The following SMC6 variants were observed in gnomAD, a reference collection of about 807,000 sequenced individuals.
The protein encoded by SMC6 is structural maintenance of chromosomes 6, also known as structural maintenance of chromosomes protein 6.
In SMC6, 79 loss-of-function variants were observed where a neutral mutation model predicts 142.2. The observed-to-expected ratio is 0.56, with a 90% CI of 0.46 to 0.67. The LOEUF is 0.67. Ranked by LOEUF, SMC6 falls within the 30% of genes least tolerant of loss-of-function variation. The pLI is 0.00. For missense variants in SMC6, 1,072 were observed against 1,284.0 expected (o/e 0.83, Z 2.52); for synonymous variants, 411 against 412.4 (o/e 1.00, Z 0.04).
chr2:17,713,908 G>C (rs1352967952), intron 16 of SMC6, among the ~76,000 whole-genome samples: 1 of 152,002 alleles, frequency 6.6e-6, no homozygotes, highest in East Asian at 1.9e-4. Context: ...ACTCCTCTCT[G>C]AATTCTTCCT....
chr2:17,747,238 C>T lies in SMC6; in HGVS notation c.-5-1287G>A, dbSNP rs530284749. ...TGGAAAGTCGGGACTTTTCCCATTG[C>T]CCAGAGGTGAGAAGACCACTCCCAC... On this transcript the variant is annotated intron_variant, in intron 2 of 27. Transcript: ENST00000448223. Among the ~76,000 whole-genome samples, 6 of 152,286 alleles carry T rather than the reference C, an allele frequency of 3.9e-5. No individual in the cohort carries two copies. The South Asian group carries it at 1.2e-3, about 32-fold the overall frequency.
At chr2:17,672,053 T>G (rs1666787282) in intron 25 of SMC6, among the ~76,000 whole-genome samples, 1 of 152,058 alleles carries the variant, frequency 6.6e-6, no homozygotes, top group Admixed American at 6.5e-5. Flanking sequence ...CTAAACATAC[T>G]CTAAAATTTT....
At chr2:17,687,486 G>A (rs1667510546) in intron 23 of SMC6, among the ~76,000 whole-genome samples, 1 of 151,948 alleles carries the variant, frequency 6.6e-6, no homozygotes, top group Admixed American at 6.6e-5. Flanking sequence ...GTACATTGGT[G>A]AATGACAAAA....
At chr2:17,700,531 T>C (rs1043397074) in intron 20 of SMC6, among the ~76,000 whole-genome samples, 153 bp from the exon 21 acceptor site, 6 of 152,160 alleles carry the variant, frequency 3.9e-5, no homozygotes, top group South Asian at 2.1e-4. Context: ...TTTATACTCT[T>C]AATGGTAAAT....
intron 9 of SMC6, among the ~76,000 whole-genome samples, chr2:17,724,580 T>G (rs1669525431): frequency 6.6e-6 from 1 of 152,190 alleles, no homozygotes; most frequent in South Asian, 2.1e-4. Context: ...GCCTTAAAAT[T>G]TTGAGGTCTC....
At position 17,700,476 on chromosome 2, in the gene SMC6, G is replaced by A. The variant is rs911965204; in HGVS notation, c.2224-98C>T. The A allele has an allele frequency of 1.2e-5, 11 of 905,374 alleles. No individual in the cohort carries two copies. In the African/African-American group the frequency reaches 1.5e-4, roughly 13 times the overall value. 56.1% of individuals were successfully genotyped at this position (905,374 alleles called of 1,614,324 possible). On this transcript the variant is annotated intron_variant, in intron 20 of 27. Transcript: ENST00000448223. ...AATTCTGAGAGAGGAGAAACTATAG[G>A]CTATATGCAAATCAGATCAAATACA...
chr2:17,720,184 A>G (rs932779697), intron 11 of SMC6, among the ~76,000 whole-genome samples: 3 of 152,206 alleles, frequency 2.0e-5, no homozygotes, highest in Non-Finnish European at 4.4e-5. Flanking sequence ...TATATGAATG[A>G]TATCTCAATA....
At chr2:17,683,922 T>G (rs1207186096) in intron 23 of SMC6, among the ~76,000 whole-genome samples, 159 bp from the exon 24 acceptor site, 1 of 152,048 alleles carries the variant, frequency 6.6e-6, no homozygotes, top group Non-Finnish European at 1.5e-5. Flanking sequence ...CAAATTACAC[T>G]CCCAGAATGA....
At chr2:17,709,103 C>A (rs73921049) in intron 16 of SMC6, among the ~76,000 whole-genome samples, 4 of 151,984 alleles carry the variant, frequency 2.6e-5, no homozygotes, top group African/African-American at 9.7e-5. Flanking sequence ...TGTTCCCCAA[C>A]GTCATGAAGC....
At chr2:17,669,119 A>G (rs1186870738) in intron 26 of SMC6, among the ~76,000 whole-genome samples, 2 of 152,310 alleles carry the variant, frequency 1.3e-5, no homozygotes, top group East Asian at 1.9e-4. Flanking sequence ...AAGCGGACAG[A>G]GGTCAGACTT....
rs1553314679 is a variant in SMC6, at chr2:17,708,824, G to GTGTA, written c.1731-72_1731-71insTACA. ...ATAAATATATACATATGAAAATTGT[G>GTGTA]TATATATATATAAGAGTATATATAT... On this transcript the variant is annotated intron_variant, in intron 16 of 27. Transcript: ENST00000448223. 9.5e-3 allele frequency: 3,629 copies of GTGTA among 383,596 alleles called. 125 individuals carry two copies. Among genetic ancestry groups the GTGTA allele is most frequent in the African/African-American group, 0.075 (3,385 of 45,304 alleles). 23.8% of individuals were successfully genotyped at this position (383,596 alleles called of 1,614,324 possible). A position where few individuals can be genotyped will look rare whatever the true frequency, so the allele number is the denominator to read the frequency against.
chr2:17,673,594 A>T (rs200140648), intron 25 of SMC6, among the ~76,000 whole-genome samples: 2 of 149,202 alleles, frequency 1.3e-5, no homozygotes, highest in East Asian at 3.9e-4. Context: ...TTTGAGACAG[A>T]GTTTCGCTCT....
chr2:17,667,785 G>A (rs900059674), intron 26 of SMC6, among the ~76,000 whole-genome samples: 7 of 152,210 alleles, frequency 4.6e-5, no homozygotes, highest in Non-Finnish European at 1.0e-4. Flanking sequence ...AGGAGGCGGA[G>A]GTCGCAGTGA....
chr2:17,700,183 G>A (rs998686909), intron 21 of SMC6, 25 bp downstream of exon 21: 22 of 1,513,452 alleles, frequency 1.5e-5, no homozygotes, highest in African/African-American at 8.4e-5. Flanking sequence ...AAATACATAC[G>A]TAACACAGTA....
Position 17,720,970 on chromosome 2 carries a change from A to G in SMC6, c.915T>C (p.Ala305=). 2 of 1,613,656 alleles carry G rather than the reference A, an allele frequency of 1.2e-6. No homozygotes were observed. Among genetic ancestry groups the G allele is most frequent in the Non-Finnish European group, 1.7e-6 (2 of 1,179,870 alleles). ...DNIKIGEDRA[A]RLDRKMEEQQ... ...GTTCTTCCATTTTCCTGTCAAGTCT[A>G]GCAGCACGATCTTCTCCAATTTTGA... Residue 305 remains alanine (A), a synonymous_variant, in exon 11 of 28, where the codon GCT becomes GCC. Transcript: ENST00000448223.
intron 23 of SMC6, among the ~76,000 whole-genome samples, chr2:17,688,315 T>TAAAA (rs36077684): frequency 7.7e-6 from 1 of 130,168 alleles, no homozygotes; most frequent in African/African-American, 2.8e-5. Flanking sequence ...AAAATGCTAT[T>TAAAA]AAAAAAAAAA....
intron 25 of SMC6, among the ~76,000 whole-genome samples, chr2:17,676,264 T>C (rs765020727): frequency 6.6e-6 from 1 of 152,200 alleles, no homozygotes; most frequent in Non-Finnish European, 1.5e-5. Flanking sequence ...ATTTTGTTTA[T>C]GATTAACTCT....
At chr2:17,706,409 T>C (rs888654964) in intron 18 of SMC6, among the ~76,000 whole-genome samples, 2 of 152,170 alleles carry the variant, frequency 1.3e-5, no homozygotes, top group African/African-American at 4.8e-5. Flanking sequence ...TCCATTATGG[T>C]TATTTTCCTT....
rs140058781 is a variant in SMC6, at chr2:17,708,857, T to A, written c.1731-104A>T. ...ATATAAGAGTATATATATTTCCATA[T>A]ATATTTGTAATGGGGGAAATTATAA... On this transcript the variant is annotated intron_variant, in intron 16 of 27. Transcript: ENST00000448223. The A allele has an allele frequency of 2.3e-3, 741 of 321,914 alleles. 16 individuals are homozygous for A. The East Asian group carries it at 0.035, about 15-fold the overall frequency. The allele number at this position is 321,914 out of a possible 1,614,324, so 19.9% of individuals were successfully genotyped here.
Sources: allele counts gnomAD v4.1 joint callset (sites outside exome capture counted in the v4.1 genomes callset), GRCh38; gene constraint gnomAD v4.1.1; transcripts MANE v1.5; gene names NCBI Gene and HGNC (gene_info 2026-07-23, HGNC 2026-07-21).